UST: variants seen among roughly 807,000 people sequenced by gnomAD.
UST encodes the protein chondroitin sulfate 2-O-sulfotransferase.
A neutral mutation model predicts 45.6 loss-of-function variants in UST; 21 were observed. The ratio of observed to expected loss-of-function variants is 0.46; its 90% CI spans 0.33 to 0.66. UST has a LOEUF of 0.66. Ranked by LOEUF, UST falls within the 30% of genes least tolerant of loss-of-function variation. The probability of loss-of-function intolerance (pLI) is 0.02; values close to 1 mark genes in which losing one functional copy is unlikely to be tolerated. For synonymous variants in UST, 215 were observed against 200.6 expected, an observed-to-expected ratio of 1.07 and a Z score of -0.61; for missense variants, 463 against 512.4, an observed-to-expected ratio of 0.90 and a Z score of 0.93.
At chr6:148,961,195 C>T (rs1041622457) in intron 4 of UST, among the ~76,000 whole-genome samples, 1 of 152,130 alleles carries the variant, frequency 6.6e-6, no homozygotes, top group Non-Finnish European at 1.5e-5. Flanking sequence ...CTTACAGAGT[C>T]GGGGAATAGG....
chr6:148,784,779 A>G (rs1301573224), intron 1 of UST, among the ~76,000 whole-genome samples: 1 of 152,262 alleles, frequency 6.6e-6, no homozygotes, highest in East Asian at 1.9e-4. Context: ...GGTAGAAACA[A>G]TAGACTGGTA....
intron 7 of UST, among the ~76,000 whole-genome samples, chr6:149,046,691 G>A (rs540485740): frequency 2.0e-5 from 3 of 152,358 alleles, no homozygotes; most frequent in Middle Eastern, 3.4e-3. Flanking sequence ...CCCGTGCACC[G>A]ATGTACAGTT....
intron 1 of UST, among the ~76,000 whole-genome samples, chr6:148,802,684 A>G (rs1777075785): frequency 6.6e-6 from 1 of 152,178 alleles, no homozygotes; most frequent in African/African-American, 2.4e-5. Context: ...GGTGGGAGGA[A>G]ATGCTAATAT....
Position 148,747,101 on chromosome 6 carries a change from G to T in UST, c.-330G>T, listed in dbSNP as rs918843062. Among the ~76,000 whole-genome samples, 1 of 150,982 alleles carries T rather than the reference G, an allele frequency of 6.6e-6. No individual in the cohort carries two copies. The highest frequency in any genetic ancestry group is 1.5e-5 in the Non-Finnish European group (1 of 67,492). On this transcript the variant is annotated 5_prime_UTR_variant, in exon 1 of 8. Coordinates refer to ENST00000367463, the MANE Select transcript of UST (RefSeq NM_005715.3). ...AAGCCGGGGGGTCCACGCTGGCGCT[G>T]GAGGCGAGCCCCGGCGGCCGCAAGC...
intron 2 of UST, among the ~76,000 whole-genome samples, chr6:148,893,481 A>C (rs1444916494): frequency 6.6e-6 from 1 of 152,226 alleles, no homozygotes; most frequent in African/African-American, 2.4e-5. Context: ...CTGTAATCTA[A>C]CAGCTTATAA....
intron 1 of UST, among the ~76,000 whole-genome samples, chr6:148,838,448 G>T (rs930231119): frequency 4.6e-5 from 7 of 152,196 alleles, no homozygotes; most frequent in Admixed American, 2.0e-4. Flanking sequence ...ATCACCTAGG[G>T]ACTTCAGCTG....
At chr6:148,761,461 G>A (rs1776218774) in intron 1 of UST, among the ~76,000 whole-genome samples, 1 of 151,778 alleles carries the variant, frequency 6.6e-6, no homozygotes, top group African/African-American at 2.4e-5. Context: ...TTACAGAAAT[G>A]TGATTGCAGA....
chr6:148,747,814 G>C, intron 1 of UST, 137 bp downstream of exon 1: 2 of 1,161,826 alleles, frequency 1.7e-6, no homozygotes, highest in South Asian at 4.1e-5. Flanking sequence ...CTAAGCCCGT[G>C]AGCATCTGTG....
intron 1 of UST, among the ~76,000 whole-genome samples, chr6:148,859,013 C>T (rs921081222): frequency 6.6e-6 from 1 of 152,166 alleles, no homozygotes; most frequent in Non-Finnish European, 1.5e-5. Context: ...GGTATATACC[C>T]AGTAATGGGA....
chr6:148,931,838 A>G (rs1242931256), intron 2 of UST, among the ~76,000 whole-genome samples: 1 of 152,226 alleles, frequency 6.6e-6, no homozygotes, highest in Non-Finnish European at 1.5e-5. Context: ...GAGAAGTTGA[A>G]AGGCCTCTTA....
chr6:148,998,693 T>C (rs534861499), intron 5 of UST, among the ~76,000 whole-genome samples: 2 of 152,350 alleles, frequency 1.3e-5, no homozygotes, highest in South Asian at 4.1e-4. Context: ...CCCGACCTCC[T>C]GCTTATTTTA....
chr6:148,877,779 C>T (rs1430933466), intron 1 of UST, among the ~76,000 whole-genome samples: 7 of 26,406 alleles, frequency 2.7e-4, no homozygotes, highest in African/African-American at 3.2e-4. Flanking sequence ...TGAATGAGTG[C>T]GGGGTTGGGT....
intron 7 of UST, among the ~76,000 whole-genome samples, chr6:149,032,766 A>G (rs113975872): frequency 1.4e-4 from 21 of 152,156 alleles, no homozygotes; most frequent in African/African-American, 5.1e-4. Context: ...CCAGTTACTC[A>G]GTGTGGTCAG....
intron 3 of UST, among the ~76,000 whole-genome samples, chr6:148,948,402 G>A (rs1780291491): frequency 6.6e-6 from 1 of 152,240 alleles, no homozygotes; most frequent in Non-Finnish European, 1.5e-5. Context: ...GAAGTCAGGA[G>A]CAAAGTCTGA....
At chr6:148,819,308 C>A (rs993539285) in intron 1 of UST, among the ~76,000 whole-genome samples, 1 of 152,082 alleles carries the variant, frequency 6.6e-6, no homozygotes, top group Non-Finnish European at 1.5e-5. Flanking sequence ...ACTGTGGGTT[C>A]TTGATTTATG....
chr6:148,864,566 C>G (rs531809251), intron 1 of UST, among the ~76,000 whole-genome samples: 1 of 152,208 alleles, frequency 6.6e-6, no homozygotes, highest in Non-Finnish European at 1.5e-5. Context: ...AGAAATCACC[C>G]GTCTCTGTAT....
chr6:148,860,221 C>A (rs973425659), intron 1 of UST, among the ~76,000 whole-genome samples: 6 of 152,168 alleles, frequency 3.9e-5, no homozygotes, highest in East Asian at 1.9e-4. Context: ...ATCACTTGTA[C>A]GTTGGATTCC....
chr6:148,962,400 C>T (rs1484970379), intron 4 of UST, among the ~76,000 whole-genome samples: 1 of 152,226 alleles, frequency 6.6e-6, no homozygotes, highest in African/African-American at 2.4e-5. Context: ...TTCACATGAA[C>T]ATAAAAGAAC....
At chr6:149,012,070 C>T (rs993890999) in intron 5 of UST, among the ~76,000 whole-genome samples, 19 of 152,340 alleles carry the variant, frequency 1.2e-4, no homozygotes, top group African/African-American at 4.1e-4. Context: ...TCCAACATCG[C>T]AAGCTGTGCT....
Sources: gnomAD v4.1 joint callset for allele counts (sites outside exome capture counted in the v4.1 genomes callset) on GRCh38, gnomAD v4.1.1 for gene constraint, MANE v1.5 for transcripts, NCBI Gene and HGNC (gene_info 2026-07-23, HGNC 2026-07-21) for gene names.